The following MBP variants were observed in gnomAD, a reference collection of about 807,000 sequenced individuals.
The protein encoded by MBP is Golli-MBP.
In MBP, 16 loss-of-function variants were observed where a neutral mutation model predicts 35.8. That is an observed-to-expected ratio of 0.45 (90% CI 0.30 to 0.68). The LOEUF is 0.68. Ranked by LOEUF, MBP falls within the 30% of genes least tolerant of loss-of-function variation. MBP has a pLI of 0.08. For synonymous variants in MBP, 143 were observed against 159.6 expected (o/e 0.90, Z 0.78); for missense variants, 380 against 404.7 (o/e 0.94, Z 0.52).
chr18:77,081,940 C>T (rs983155717), intron 2 of MBP, among the ~76,000 whole-genome samples: 5 of 151,880 alleles, frequency 3.3e-5, no homozygotes, highest in Non-Finnish European at 5.9e-5. Flanking sequence ...CAAGCTCTGC[C>T]TCCCGGGTTC....
At chr18:77,018,772 C>T (rs1349207991) in intron 3 of MBP, among the ~76,000 whole-genome samples, 1 of 148,838 alleles carries the variant, frequency 6.7e-6, no homozygotes, top group East Asian at 2.0e-4. Context: ...ATCCATCCAT[C>T]CATCCATCCA....
At position 76,980,086 on chromosome 18, in the gene MBP, GAA is replaced by G. The variant is rs538512851; in HGVS notation, c.*339_*340del. ...AGCGCAAGGGTGCCGCAGCCACGGC[GAA>G]AAGAAAGTCCAAGGGTGGAGGGGTG... On this transcript the variant is annotated 3_prime_UTR_variant, in exon 9 of 9. Coordinates refer to ENST00000355994, the MANE Select transcript of MBP (RefSeq NM_001025101.2). The G allele has an allele frequency of 1.4e-4, 98 of 697,710 alleles. No individual in the cohort carries two copies. The African/African-American group carries it at 1.5e-3, about 11-fold the overall frequency. The allele number at this position is 697,710 out of a possible 1,614,324, so 43.2% of individuals were successfully genotyped here.
chr18:77,076,599 G>A (rs182337059), intron 2 of MBP, among the ~76,000 whole-genome samples: 114 of 152,350 alleles, frequency 7.5e-4, no homozygotes, highest in Middle Eastern at 3.4e-3. Context: ...CATTTGTTCT[G>A]TAGCAATGCA....
chr18:76,980,892 G>A (rs1969156174), intron 8 of MBP: 1 of 190,466 alleles, frequency 5.3e-6, no homozygotes, highest in Non-Finnish European at 1.1e-5. Context: ...CGGGACCCTA[G>A]CACACCCCTT....
chr18:77,110,811 T>C (rs1390863039), intron 1 of MBP, among the ~76,000 whole-genome samples: 1 of 152,212 alleles, frequency 6.6e-6, no homozygotes, highest in African/African-American at 2.4e-5. Context: ...GAATATATTA[T>C]AAAACATATA....
intron 4 of MBP, among the ~76,000 whole-genome samples, chr18:76,997,912 G>A (rs984425197): frequency 7.1e-6 from 1 of 141,442 alleles, no homozygotes; most frequent in Non-Finnish European, 1.6e-5. Context: ...TCGATCTCCT[G>A]ACCTCGTGAT....
At chr18:77,112,218 C>A (rs1976487443) in intron 1 of MBP, among the ~76,000 whole-genome samples, 1 of 151,672 alleles carries the variant, frequency 6.6e-6, no homozygotes, top group South Asian at 2.1e-4. Context: ...AGAAACAGCT[C>A]ATTTCGGAGC....
chr18:77,017,077 G>T lies in MBP; in HGVS notation c.331C>A (p.Pro111Thr). 6.2e-7 allele frequency: 1 copy of T among 1,611,426 alleles called. No individual in the cohort carries two copies. The highest frequency in any genetic ancestry group is 8.5e-7 in the Non-Finnish European group (1 of 1,177,856). The change falls in exon 4 of 9, where the codon CCC becomes ACC. Residue 111 changes from proline (P) to threonine (T), a missense_variant. Coordinates refer to ENST00000355994, the MANE Select transcript of MBP (RefSeq NM_001025101.2). ...GREDNTFKDR[P>T]SESDELQTIQ... ...GTCTGGAGCTCGTCGGACTCAGAGG[G>T]CCTGTCTTTGAAGGTGTTGTCCTCC...
intron 4 of MBP, among the ~76,000 whole-genome samples, chr18:77,008,421 A>ACC (rs1568284218): frequency 1.3e-5 from 2 of 152,234 alleles, no homozygotes; most frequent in African/African-American, 4.8e-5. Flanking sequence ...TCACCAAGAG[A>ACC]GCCCTCGAAA....
At position 77,057,978 on chromosome 18, in the gene MBP, C is replaced by T. The variant is rs1456079957; in HGVS notation, c.139+8320G>A. 1.4e-4 allele frequency among the ~76,000 whole-genome samples: 9 copies of T among 65,542 alleles called. 2 individuals carry two copies. The highest frequency in any genetic ancestry group is 5.8e-4 in the Admixed American group (4 of 6,912). The allele number at this position is 65,542 out of a possible 152,430, so 43.0% of individuals were successfully genotyped here. A position where few individuals can be genotyped will look rare whatever the true frequency, so the allele number is the denominator to read the frequency against. On this transcript the variant is annotated intron_variant, in intron 3 of 8. Transcript: ENST00000355994. ...AGTAGCTGGGACTACAGGCGCCCGCCACTACGCCCGGCTAATTTTTTGTAT... is the reference window on the plus strand; with the variant it reads ...AGTAGCTGGGACTACAGGCGCCCGCTACTACGCCCGGCTAATTTTTTGTAT...
chr18:77,056,156 C>T (rs1327157324), intron 3 of MBP, among the ~76,000 whole-genome samples: 2 of 152,208 alleles, frequency 1.3e-5, no homozygotes, highest in East Asian at 1.9e-4. Context: ...GCTGGGTCTG[C>T]AGAGGCTTTG....
chr18:77,035,660 A>AC lies in MBP; in HGVS notation c.140-18393_140-18392insG, dbSNP rs561008621. 2.5e-3 allele frequency among the ~76,000 whole-genome samples: 372 copies of AC among 151,622 alleles called. 1 individual carries two copies. Among genetic ancestry groups the AC allele is most frequent in the Non-Finnish European group, 4.4e-3 (298 of 67,822 alleles). The stretch of plus-strand genomic sequence containing the variant: ...ACACCACACGTCACGCTGCAGGTGA[A>AC]GGGGGGGGGACCATGAGGCTGACTT... On this transcript the variant is annotated intron_variant, in intron 3 of 8. Coordinates refer to ENST00000355994, the MANE Select transcript of MBP (RefSeq NM_001025101.2).
chr18:77,086,486 G>A (rs1339147966), intron 2 of MBP, among the ~76,000 whole-genome samples: 1 of 152,160 alleles, frequency 6.6e-6, no homozygotes, highest in African/African-American at 2.4e-5. Context: ...AATCAAGTTA[G>A]AATATGGTTA....
chr18:77,087,365 G>C (rs374322825), intron 2 of MBP: 1 of 152,228 alleles, frequency 6.6e-6, no homozygotes, highest in Non-Finnish European at 1.5e-5. Context: ...AAAATAAGAC[G>C]TTTGTATTCC....
intron 3 of MBP, among the ~76,000 whole-genome samples, chr18:77,024,064 T>C (rs531778073): frequency 6.6e-6 from 1 of 152,334 alleles, no homozygotes; most frequent in Non-Finnish European, 1.5e-5. Context: ...CTAGAAAAAC[T>C]TAGATTTTGG....
chr18:77,039,221 C>T (rs765821578), intron 3 of MBP, among the ~76,000 whole-genome samples: 1 of 152,166 alleles, frequency 6.6e-6, no homozygotes, highest in Non-Finnish European at 1.5e-5. Context: ...TATATACTGT[C>T]TGGCCCTTTA....
intron 3 of MBP, among the ~76,000 whole-genome samples, chr18:77,030,414 G>T (rs1972499868): frequency 6.6e-6 from 1 of 152,172 alleles, no homozygotes; most frequent in Non-Finnish European, 1.5e-5. Flanking sequence ...GGGACAGGAA[G>T]GGACGGGAAG....
At chr18:77,078,341 C>T (rs1974746051) in intron 2 of MBP, among the ~76,000 whole-genome samples, 1 of 152,178 alleles carries the variant, frequency 6.6e-6, no homozygotes, top group African/African-American at 2.4e-5. Context: ...ATTCTACCAC[C>T]CGCTCTCCCA....
intron 3 of MBP, among the ~76,000 whole-genome samples, chr18:77,048,181 AGCAGGT>A (rs1294695543): frequency 6.6e-6 from 1 of 152,240 alleles, no homozygotes; most frequent in African/African-American, 2.4e-5. Context: ...AGCTGTAGGC[AGCAGGT>A]GGGCAGTCGT....
Sources: gnomAD v4.1 joint callset for allele counts (sites outside exome capture counted in the v4.1 genomes callset) on GRCh38, gnomAD v4.1.1 for gene constraint, MANE v1.5 for transcripts, NCBI Gene and HGNC (gene_info 2026-07-23, HGNC 2026-07-21) for gene names.